The following DMD variants were observed in gnomAD, a reference collection of about 807,000 sequenced individuals.
DMD encodes dystrophin, also known as mutant dystrophin.
A neutral mutation model predicts 330.1 loss-of-function variants in DMD; 63 were observed. That is an observed-to-expected ratio of 0.19 (90% CI 0.16 to 0.24). DMD has a LOEUF of 0.24. DMD is among the 10% of genes least tolerant of loss of function. The probability of loss-of-function intolerance (pLI) is 1.00; values close to 1 mark genes in which losing one functional copy is unlikely to be tolerated. For synonymous variants in DMD, 1,223 were observed against 959.8 expected (o/e 1.27, Z -5.07); for missense variants, 3,344 against 2,684.1 (o/e 1.25, Z -5.43).
chrX:33,303,163 T>C (rs1321072751), intron 1 of DMD, among the ~76,000 whole-genome samples: 1 of 111,820 alleles, frequency 8.9e-6, no homozygotes, highest in Non-Finnish European at 1.9e-5. Context: ...ATTCACCTAC[T>C]GAAGGACATC....
At chrX:32,249,052 T>C (rs1353647567) in intron 43 of DMD, among the ~76,000 whole-genome samples, 1 of 107,447 alleles carries the variant, frequency 9.3e-6, no homozygotes. Context: ...GGCCAATTCT[T>C]AGTTAGACAT....
At chrX:31,520,727 T>G (rs2072665052) in intron 55 of DMD, among the ~76,000 whole-genome samples, 1 of 110,909 alleles carries the variant, frequency 9.0e-6, no homozygotes, top group Non-Finnish European at 1.9e-5. Context: ...TTGCCCAGGC[T>G]GGAGTGCAGT....
At chrX:32,783,747 C>G (rs1290758200) in intron 7 of DMD, among the ~76,000 whole-genome samples, 2 of 110,727 alleles carry the variant, frequency 1.8e-5, no homozygotes, top group East Asian at 5.6e-4. Context: ...AATATGACAT[C>G]ATTTATATAA....
chrX:32,693,145 G>C (rs746380102), intron 9 of DMD, among the ~76,000 whole-genome samples: 8 of 111,305 alleles, frequency 7.2e-5, no homozygotes, highest in Non-Finnish European at 1.5e-4. Context: ...AGTTGAAAGG[G>C]GGCAATGAGC....
chrX:31,581,471 A>C (rs1185511513), intron 55 of DMD, among the ~76,000 whole-genome samples: 1 of 112,174 alleles, frequency 8.9e-6, no homozygotes, highest in Non-Finnish European at 1.9e-5. Flanking sequence ...AAGACATTCC[A>C]GTGGGATAAA....
intron 11 of DMD, among the ~76,000 whole-genome samples, chrX:32,623,281 C>A (rs1189956610): frequency 9.0e-6 from 1 of 111,397 alleles, no homozygotes; most frequent in Non-Finnish European, 1.9e-5. Context: ...TGGTCCATTG[C>A]AAGGCTGAAC....
chrX:31,937,444 T>C (rs1332052330), intron 45 of DMD, among the ~76,000 whole-genome samples: 1 of 111,865 alleles, frequency 8.9e-6, no homozygotes, highest in Non-Finnish European at 1.9e-5. Context: ...AGTGATTTAA[T>C]TTTTTAAAAA....
intron 2 of DMD, among the ~76,000 whole-genome samples, chrX:33,009,030 ATG>A (rs2093485097): frequency 1.0e-5 from 1 of 96,665 alleles, no homozygotes; most frequent in African/African-American, 3.8e-5. Flanking sequence ...ATATATACAC[ATG>A]TGTGTATATA....
chrX:31,771,060 AT>A (rs776421843), intron 51 of DMD, among the ~76,000 whole-genome samples: 1 of 111,468 alleles, frequency 9.0e-6, no homozygotes, highest in East Asian at 2.8e-4. Flanking sequence ...ATTTTGCCTA[AT>A]TTTTCACACA....
chrX:31,597,805 A>C (rs950252903), intron 55 of DMD, among the ~76,000 whole-genome samples: 1 of 111,849 alleles, frequency 8.9e-6, no homozygotes, highest in Non-Finnish European at 1.9e-5. Context: ...ATTTCTAATA[A>C]CTGGTACTGT....
chrX:33,070,648 T>TCC (rs2094732775), intron 1 of DMD, among the ~76,000 whole-genome samples: 1 of 36,478 alleles, frequency 2.7e-5, no homozygotes, highest in Non-Finnish European at 4.7e-5. Context: ...CATCTCTCTC[T>TCC]CTCTCTCTCT....
chrX:31,334,570 CCAAGG>C (rs1318163677), intron 61 of DMD, among the ~76,000 whole-genome samples: 1 of 111,111 alleles, frequency 9.0e-6, no homozygotes, highest in African/African-American at 3.3e-5. Flanking sequence ...TTTAAATGTC[CCAAGG>C]CAATAATTCT....
chrX:33,234,237 C>T (rs1026957341), intron 1 of DMD, among the ~76,000 whole-genome samples: 1 of 111,511 alleles, frequency 9.0e-6, no homozygotes, highest in African/African-American at 3.3e-5. Flanking sequence ...ACATATTTAG[C>T]GGTACATAAA....
chrX:31,297,982 T>A (rs2148054749), intron 62 of DMD, among the ~76,000 whole-genome samples: 1 of 111,927 alleles, frequency 8.9e-6, no homozygotes, highest in African/African-American at 3.2e-5. Context: ...ACAGAGCTGA[T>A]GATAGCATAG....
intron 44 of DMD, among the ~76,000 whole-genome samples, chrX:32,022,844 T>C (rs996033730): frequency 1.7e-4 from 17 of 101,792 alleles, no homozygotes; most frequent in South Asian, 8.8e-4. Flanking sequence ...TTTTTTTTTT[T>C]CTTCTGAGAC....
At chrX:32,186,934 T>G (rs1426891071) in intron 44 of DMD, among the ~76,000 whole-genome samples, 2 of 110,939 alleles carry the variant, frequency 1.8e-5, no homozygotes, top group Non-Finnish European at 3.8e-5. Context: ...GATGTGGTTC[T>G]CAGAATGACT....
At chrX:31,795,554 G>T (rs2091786546) in intron 50 of DMD, among the ~76,000 whole-genome samples, 1 of 111,928 alleles carries the variant, frequency 8.9e-6, no homozygotes, top group Non-Finnish European at 1.9e-5. Flanking sequence ...ACAGAGCTCT[G>T]CTTGTACTTC....
chrX:31,397,920 T>C (rs1055767738), intron 60 of DMD, among the ~76,000 whole-genome samples: 9 of 112,570 alleles, frequency 8.0e-5, no homozygotes, highest in African/African-American at 2.9e-4. Flanking sequence ...TGGCAGTGGT[T>C]ATAACAAATG....
At chrX:32,590,949 C>A (rs1231668194) in intron 13 of DMD, among the ~76,000 whole-genome samples, 1 of 111,879 alleles carries the variant, frequency 8.9e-6, no homozygotes, top group African/African-American at 3.3e-5. Context: ...ATCCATCCAT[C>A]CATCCAGTGG....
Sources: gnomAD v4.1 joint callset for allele counts (sites outside exome capture counted in the v4.1 genomes callset) on GRCh38, gnomAD v4.1.1 for gene constraint, MANE v1.5 for transcripts, NCBI Gene and HGNC (gene_info 2026-07-23, HGNC 2026-07-21) for gene names.